MYH16: variants seen among roughly 807,000 people sequenced by gnomAD.
The protein encoded by MYH16 is myosin heavy chain 16, also known as putative uncharacterized protein MYH16.
chr7:99,274,863 A>G (rs998581895), intron 20 of MYH16, among the ~76,000 whole-genome samples: 1 of 151,860 alleles, frequency 6.6e-6, no homozygotes, highest in Non-Finnish European at 1.5e-5. Context: ...TAGTAGAGAC[A>G]GGGTTTTACC....
chr7:99,249,867 T>C (rs1282411199), intron 4 of MYH16: 1 of 152,474 alleles, frequency 6.6e-6, no homozygotes, highest in African/African-American at 2.4e-5. Context: ...AATTTTTGTA[T>C]TTTTAGTAGA....
intron 5 of MYH16, among the ~76,000 whole-genome samples, chr7:99,250,456 AGC>A (rs1480847506): frequency 6.6e-6 from 1 of 152,204 alleles, no homozygotes; most frequent in Non-Finnish European, 1.5e-5. Context: ...AAAGGCTGAC[AGC>A]GGCCAGGCGC....
At chr7:99,288,236 G>A (rs750781898) in intron 29 of MYH16, 99 bp downstream of exon 10, 1 of 418,734 alleles carries the variant, frequency 2.4e-6, no homozygotes. Context: ...GAGGCCAGGA[G>A]TTGGGGACCA....
At position 99,260,356 on chromosome 7, in the gene MYH16, G is replaced by C. The variant is rs539465176; in HGVS notation, n.1575+22G>C. 6.1e-6 allele frequency: 7 copies of C among 1,145,044 alleles called. No individual in the cohort carries two copies. The African/African-American group carries it at 1.1e-4, about 18-fold the overall frequency. 70.9% of individuals were successfully genotyped at this position (1,145,044 alleles called of 1,614,324 possible). On this transcript the variant is annotated intron_variant and non_coding_transcript_variant, in intron 12 of 41. Coordinates refer to ENST00000439784, the Ensembl canonical transcript of MYH16. ...AAAGGTGACTTGCTTCTCAAAGGAG[G>C]GATTGGAGAGAGGCCAGGGCCAAGG...
At chr7:99,286,574 G>A (rs1353403802) in intron 28 of MYH16, 1 of 152,300 alleles carries the variant, frequency 6.6e-6, no homozygotes, top group East Asian at 1.9e-4. Flanking sequence ...TGCATTTAGG[G>A]GAAAAAATTG....
At chr7:99,299,927 T>TTTTATTTTATTTATTTATTTA (rs1405217065) in intron 37 of MYH16, among the ~76,000 whole-genome samples, 93 of 138,230 alleles carry the variant, frequency 6.7e-4, no homozygotes, top group African/African-American at 2.5e-3. Context: ...TTTTATTTTA[T>TTTTATTTTATTTATTTATTTA]TTTATTTATT....
chr7:99,284,038 G>A lies in MYH16; in HGVS notation n.3225+20G>A, dbSNP rs766809630. 4 of 437,048 alleles carry A rather than the reference G, an allele frequency of 9.2e-6. No individual in the cohort carries two copies. The highest frequency in any genetic ancestry group is 7.0e-5 in the East Asian group (1 of 14,304). 27.1% of individuals were successfully genotyped at this position (437,048 alleles called of 1,614,324 possible). A position where few individuals can be genotyped will look rare whatever the true frequency, so the allele number is the denominator to read the frequency against. ...GAAAAAGTATGTCTTGTCGTCGTTC[G>A]TTTTGTCCATCACAATGGTAGCAAT... On this transcript the variant is annotated intron_variant and non_coding_transcript_variant, in intron 25 of 41. Coordinates refer to ENST00000439784, the Ensembl canonical transcript of MYH16.
At chr7:99,274,830 T>C (rs1792090260) in intron 20 of MYH16, among the ~76,000 whole-genome samples, 1 of 151,928 alleles carries the variant, frequency 6.6e-6, no homozygotes, top group Non-Finnish European at 1.5e-5. Flanking sequence ...TCTGCCACCC[T>C]ACCTGGCTAA....
intron 34 of MYH16, among the ~76,000 whole-genome samples, chr7:99,297,398 A>T (rs1289112821): frequency 6.6e-6 from 1 of 152,068 alleles, no homozygotes; most frequent in African/African-American, 2.4e-5. Context: ...ATGCCACTGT[A>T]CTCCAGCCTG....
intron 22 of MYH16, 130 bp downstream of exon 4, chr7:99,279,867 T>TTTTG (rs535272631): frequency 8.4e-6 from 3 of 356,866 alleles, no homozygotes; most frequent in Non-Finnish European, 1.1e-5. Flanking sequence ...GGGGGTTTTT[T>TTTTG]TTTGTTTGTT....
At chr7:99,302,390 C>T (rs1436520955) in intron 38 of MYH16, among the ~76,000 whole-genome samples, 1 of 148,296 alleles carries the variant, frequency 6.7e-6, no homozygotes, top group Non-Finnish European at 1.5e-5. Context: ...CATGGTGAAA[C>T]CCCATCTCTA....
At chr7:99,241,996 G>A (rs1375011435) in intron 1 of MYH16, among the ~76,000 whole-genome samples, 2 of 152,052 alleles carry the variant, frequency 1.3e-5, no homozygotes, top group Admixed American at 1.3e-4. Context: ...AAGTAGCTGG[G>A]GTTACAAGTG....
At chr7:99,305,880 C>G (rs770620634) in exon 41 of MYH16, 3 of 152,864 alleles carry the variant, frequency 2.0e-5, no homozygotes, top group Admixed American at 1.3e-4. Context: ...AGAAACAGCA[C>G]GTGGAGACAG....
exon 36 of MYH16, chr7:99,297,962 T>A (rs1467403143): frequency 2.2e-6 from 1 of 456,584 alleles, no homozygotes. Flanking sequence ...GACCGAAGAA[T>A]CCATGAGAAA....
chr7:99,301,013 G>C (rs1792585165), intron 37 of MYH16, among the ~76,000 whole-genome samples: 1 of 151,832 alleles, frequency 6.6e-6, no homozygotes, highest in African/African-American at 2.4e-5. Flanking sequence ...TGAGCAACCT[G>C]GCAAAACCCC....
downstream of MYH16, among the ~76,000 whole-genome samples, chr7:99,309,630 C>A (rs550683765): frequency 1.6e-4 from 24 of 152,364 alleles, no homozygotes; most frequent in African/African-American, 5.8e-4. Flanking sequence ...GCTTCCTGTA[C>A]ACCCAGACTC....
chr7:99,244,098 C>T (rs2150804833), intron 2 of MYH16, among the ~76,000 whole-genome samples: 1 of 151,764 alleles, frequency 6.6e-6, no homozygotes, highest in African/African-American at 2.4e-5. Context: ...AACATCCAAA[C>T]ATTCGTCCAC....
At chr7:99,279,196 T>TA (rs1023353965) in intron 21 of MYH16, among the ~76,000 whole-genome samples, 2 of 150,728 alleles carry the variant, frequency 1.3e-5, no homozygotes, top group African/African-American at 4.9e-5. Flanking sequence ...GTCTCAAAAA[T>TA]AAAAATAAAA....
chr7:99,295,621 C>A (rs556075860), intron 33 of MYH16, among the ~76,000 whole-genome samples: 1 of 151,966 alleles, frequency 6.6e-6, no homozygotes, highest in Non-Finnish European at 1.5e-5. Flanking sequence ...AATACAAGAA[C>A]GTGGCTCCAT....
Sources: allele counts gnomAD v4.1 joint callset (sites outside exome capture counted in the v4.1 genomes callset), GRCh38; gene constraint gnomAD v4.1.1; transcripts MANE v1.5; gene names NCBI Gene and HGNC (gene_info 2026-07-23, HGNC 2026-07-21).